LAMA2: variants seen among roughly 807,000 people sequenced by gnomAD.
LAMA2 encodes the protein laminin subunit alpha-2.
LAMA2 carries 269 observed loss-of-function variants against 364.8 expected under a neutral mutation model. That is an observed-to-expected ratio of 0.74 (90% CI 0.67 to 0.82). The LOEUF (loss-of-function observed/expected upper bound fraction) is 0.82, where lower values mean the gene tolerates loss of function less well. Among genes scored for constraint, LAMA2 ranks in the 40% least tolerant of loss-of-function variants. The pLI is 0.00. For missense variants in LAMA2, 3,807 were observed against 3,873.2 expected (o/e 0.98, Z 0.45); for synonymous variants, 1,379 against 1,370.6 (o/e 1.01, Z -0.14).
chr6:129,298,899 T>A (rs1187285312), intron 21 of LAMA2, among the ~76,000 whole-genome samples: 2 of 152,146 alleles, frequency 1.3e-5, no homozygotes, highest in African/African-American at 4.8e-5. Context: ...AATCTGTATA[T>A]CTCTAAGCCA....
intron 1 of LAMA2, among the ~76,000 whole-genome samples, chr6:129,031,921 A>G (rs928957645): frequency 1.3e-5 from 2 of 152,058 alleles, no homozygotes; most frequent in East Asian, 1.9e-4. Context: ...TGGGTTCAAA[A>G]TGATTCTCCT....
At chr6:129,105,636 C>T (rs1164175337) in intron 4 of LAMA2, among the ~76,000 whole-genome samples, 3 of 152,128 alleles carry the variant, frequency 2.0e-5, no homozygotes, top group Non-Finnish European at 1.5e-5. Context: ...TAACTACTTC[C>T]AACTGAAGAA....
chr6:129,304,797 A>G lies in LAMA2; in HGVS notation c.3174+3925A>G, dbSNP rs1372213000. On this transcript the variant is annotated intron_variant, in intron 22 of 64. Transcript: ENST00000421865. ...TTTTCAAGGTATCGTTACTGTTACT[A>G]GTATCTAGTTTAATTCTAAATTGTT... Among the ~76,000 whole-genome samples, 5 of 152,172 alleles carry G rather than the reference A, an allele frequency of 3.3e-5. No individual in the cohort carries two copies. The East Asian group carries it at 9.6e-4, about 29-fold the overall frequency.
At chr6:128,973,896 A>T (rs2114622750) in intron 1 of LAMA2, among the ~76,000 whole-genome samples, 1 of 152,260 alleles carries the variant, frequency 6.6e-6, no homozygotes, top group South Asian at 2.1e-4. Context: ...CTTTGTGGGG[A>T]CAATGCTGTG....
chr6:129,463,756 G>T (rs1249953023), intron 49 of LAMA2, among the ~76,000 whole-genome samples: 3 of 151,954 alleles, frequency 2.0e-5, no homozygotes, highest in Admixed American at 2.0e-4. Flanking sequence ...TTTTGAGTTT[G>T]TGCCTGACAT....
intron 1 of LAMA2, among the ~76,000 whole-genome samples, chr6:128,918,511 A>T (rs964049226): frequency 2.6e-5 from 4 of 152,286 alleles, no homozygotes; most frequent in African/African-American, 9.6e-5. Flanking sequence ...TGTTAAACTG[A>T]ATTTTTCGTC....
At chr6:129,247,564 T>C (rs1237102534) in intron 12 of LAMA2, among the ~76,000 whole-genome samples, 2 of 152,232 alleles carry the variant, frequency 1.3e-5, no homozygotes, top group Non-Finnish European at 2.9e-5. Context: ...ATTCTAATAT[T>C]GTGTAAATGG....
At position 129,202,205 on chromosome 6, in the gene LAMA2, A is replaced by G. The variant is rs113669666; in HGVS notation, c.1782+9352A>G. On this transcript the variant is annotated intron_variant, in intron 12 of 64. Transcript: ENST00000421865. ...TCTGTCTCAAAAAAAAAAAAAAAAAAAAAAGAAAAGAAAAGAAAACACAAC... is the reference window on the plus strand; with the variant it reads ...TCTGTCTCAAAAAAAAAAAAAAAAAGAAAAGAAAAGAAAAGAAAACACAAC... 5.1e-3 allele frequency among the ~76,000 whole-genome samples: 767 copies of G among 150,436 alleles called. 8 individuals are homozygous for G. Among genetic ancestry groups the G allele is most frequent in the African/African-American group, 0.015 (593 of 40,544 alleles).
At chr6:129,422,121 C>T (rs1476517992) in intron 40 of LAMA2, among the ~76,000 whole-genome samples, 2 of 152,084 alleles carry the variant, frequency 1.3e-5, no homozygotes, top group African/African-American at 4.8e-5. Flanking sequence ...CTGAAATACT[C>T]GCTCTCACAT....
At chr6:129,295,249 G>A (rs1259691652) in intron 20 of LAMA2, among the ~76,000 whole-genome samples, 4 of 150,424 alleles carry the variant, frequency 2.7e-5, no homozygotes, top group South Asian at 2.1e-4. Flanking sequence ...GAGTAAATGA[G>A]TACATATTTG....
At chr6:128,900,385 T>G (rs1777014738) in intron 1 of LAMA2, among the ~76,000 whole-genome samples, 1 of 152,188 alleles carries the variant, frequency 6.6e-6, no homozygotes, top group African/African-American at 2.4e-5. Flanking sequence ...GTATCCTTAC[T>G]GCATAGCACA....
At position 128,954,499 on chromosome 6, in the gene LAMA2, A is replaced by G. The variant is rs535067182; in HGVS notation, c.112+71142A>G. On this transcript the variant is annotated intron_variant, in intron 1 of 64. Transcript: ENST00000421865. ...AAAAAAATACCTGCATCAGCAGACAATTGGTAACAGTCATCATATTTGGTG... is the reference window on the plus strand; with the variant it reads ...AAAAAAATACCTGCATCAGCAGACAGTTGGTAACAGTCATCATATTTGGTG... Among the ~76,000 whole-genome samples the G allele has an allele frequency of 9.9e-5, 15 of 152,160 alleles. No individual in the cohort carries two copies. In the South Asian group the frequency reaches 2.7e-3, roughly 27 times the overall value.
intron 1 of LAMA2, among the ~76,000 whole-genome samples, chr6:128,928,604 T>C (rs575024606): frequency 3.9e-5 from 6 of 152,212 alleles, no homozygotes; most frequent in Non-Finnish European, 7.3e-5. Context: ...ATAGAATTCC[T>C]ATTGGGGCTG....
chr6:129,031,694 T>A (rs890064100), intron 1 of LAMA2, among the ~76,000 whole-genome samples: 1 of 152,246 alleles, frequency 6.6e-6, no homozygotes, highest in South Asian at 2.1e-4. Context: ...TACATCTTTT[T>A]AAAATGTTAT....
At chr6:128,973,630 G>T (rs1407912304) in intron 1 of LAMA2, among the ~76,000 whole-genome samples, 1 of 152,158 alleles carries the variant, frequency 6.6e-6, no homozygotes, top group African/African-American at 2.4e-5. Context: ...CTTAGGCAGT[G>T]TTAATTATGA....
intron 22 of LAMA2, among the ~76,000 whole-genome samples, chr6:129,306,200 C>T (rs1773855714): frequency 6.6e-6 from 1 of 151,260 alleles, no homozygotes; most frequent in Admixed American, 6.6e-5. Context: ...CTTTAAATTC[C>T]TTTGTGTACA....
At position 129,404,868 on chromosome 6, in the gene LAMA2, T is replaced by G. The variant is rs570401326; in HGVS notation, c.5865+909T>G. Among the ~76,000 whole-genome samples, 229 of 152,136 alleles carry G rather than the reference T, an allele frequency of 1.5e-3. 2 individuals carry two copies. The highest frequency in any genetic ancestry group is 3.4e-3 in the Middle Eastern group (1 of 294). On this transcript the variant is annotated intron_variant, in intron 40 of 64. Transcript: ENST00000421865. ...ATACTTTCTAGGATTTAGGGGATAT[T>G]AGAGATATCCCCTAAATGAACCAGT...
At chr6:128,962,185 T>TACACACACACAC (rs1554335791) in intron 1 of LAMA2, among the ~76,000 whole-genome samples, 5 of 103,918 alleles carry the variant, frequency 4.8e-5, no homozygotes, top group African/African-American at 1.5e-4. Flanking sequence ...TATATATATA[T>TACACACACACAC]ACACACATAC....
chr6:129,393,647 T>C (rs568181329), intron 37 of LAMA2, among the ~76,000 whole-genome samples: 16 of 152,344 alleles, frequency 1.1e-4, no homozygotes, highest in African/African-American at 3.4e-4. Flanking sequence ...CTACAATAAG[T>C]GCATTATACT....
Sources: allele counts gnomAD v4.1 joint callset (sites outside exome capture counted in the v4.1 genomes callset), GRCh38; gene constraint gnomAD v4.1.1; transcripts MANE v1.5; gene names NCBI Gene and HGNC (gene_info 2026-07-23, HGNC 2026-07-21).